Variants in GALNTL6 observed in about 807,000 individuals in gnomAD.
The protein encoded by GALNTL6 is polypeptide N-acetylgalactosaminyltransferase like 6.
In GALNTL6, 46 loss-of-function variants were observed where a neutral mutation model predicts 73.7. That is an observed-to-expected ratio of 0.62 (90% CI 0.49 to 0.80). The LOEUF is 0.80. Ranked by LOEUF, GALNTL6 falls within the 30% of genes least tolerant of loss-of-function variation. The probability of loss-of-function intolerance (pLI) is 0.00; values close to 1 mark genes in which losing one functional copy is unlikely to be tolerated. For synonymous variants in GALNTL6, 259 were observed against 263.7 expected, an observed-to-expected ratio of 0.98 and a Z score of 0.17; for missense variants, 604 against 755.0, an observed-to-expected ratio of 0.80 and a Z score of 2.34.
At chr4:172,369,915 C>T (rs1742729178) in intron 5 of GALNTL6, among the ~76,000 whole-genome samples, 1 of 152,204 alleles carries the variant, frequency 6.6e-6, no homozygotes, top group Admixed American at 6.5e-5. Flanking sequence ...GAGAGGGGCT[C>T]CCACAGTGCA....
chr4:172,347,935 A>G (rs1438484729), intron 4 of GALNTL6, among the ~76,000 whole-genome samples: 3 of 152,194 alleles, frequency 2.0e-5, no homozygotes, highest in African/African-American at 2.4e-5. Context: ...CACTGGGACT[A>G]TGATAACATC....
intron 5 of GALNTL6, among the ~76,000 whole-genome samples, chr4:172,434,948 TA>T (rs1449263773): frequency 6.6e-6 from 1 of 152,156 alleles, no homozygotes; most frequent in Non-Finnish European, 1.5e-5. Context: ...AAGTATTCAT[TA>T]TAGCAGAGCT....
chr4:172,127,866 G>A (rs1217375790), intron 2 of GALNTL6, among the ~76,000 whole-genome samples: 1 of 152,112 alleles, frequency 6.6e-6, no homozygotes, highest in African/African-American at 2.4e-5. Context: ...ACTTCGGGAG[G>A]CCAAGGTGAG....
At chr4:172,671,637 T>G (rs1360457564) in intron 5 of GALNTL6, among the ~76,000 whole-genome samples, 1 of 152,194 alleles carries the variant, frequency 6.6e-6, no homozygotes, top group Non-Finnish European at 1.5e-5. Context: ...CTCTTCCTAT[T>G]TGAATGCACT....
chr4:172,540,837 T>C lies in GALNTL6; in HGVS notation c.553+192148T>C, dbSNP rs12648679. On this transcript the variant is annotated intron_variant, in intron 5 of 12. Coordinates refer to ENST00000506823, the MANE Select transcript of GALNTL6 (RefSeq NM_001034845.3). ...GGATTATGGGAGCCAAGGCCCTTGT[T>C]ATATAGATGAAGCCTCATAGGAAGC... is the stretch of plus-strand genomic sequence containing the variant. 6.9e-4 allele frequency among the ~76,000 whole-genome samples: 105 copies of C among 152,334 alleles called. 1 individual carries two copies. In the East Asian group the frequency reaches 0.019, roughly 27 times the overall value.
In GALNTL6 at chr4:172,621,958, G is replaced by A. The variant is rs996680753; in HGVS notation, c.554-187403G>A. Among the ~76,000 whole-genome samples, 25 of 152,158 alleles carry A rather than the reference G, an allele frequency of 1.6e-4. No homozygotes were observed. In the East Asian group the frequency reaches 4.1e-3, roughly 25 times the overall value. On this transcript the variant is annotated intron_variant, in intron 5 of 12. Coordinates refer to ENST00000506823, the MANE Select transcript of GALNTL6 (RefSeq NM_001034845.3). ...CCAATCTAACGGCATTCATGGGACC[G>A]AGGTTTCTGTGTTATCCAGGGTCCC...
chr4:172,608,219 GA>G (rs1738381737), intron 5 of GALNTL6, among the ~76,000 whole-genome samples: 4 of 152,058 alleles, frequency 2.6e-5, no homozygotes, highest in Non-Finnish European at 4.4e-5. Flanking sequence ...CTTATGTCCA[GA>G]ATGGTATTTT....
At chr4:172,676,574 C>T (rs1487768312) in intron 5 of GALNTL6, among the ~76,000 whole-genome samples, 2 of 152,116 alleles carry the variant, frequency 1.3e-5, no homozygotes, top group East Asian at 3.8e-4. Context: ...CTATTGGTTC[C>T]GCTTTCTTAT....
At chr4:172,075,532 C>T (rs1345567847) in intron 2 of GALNTL6, among the ~76,000 whole-genome samples, 1 of 151,942 alleles carries the variant, frequency 6.6e-6, no homozygotes, top group Admixed American at 6.6e-5. Context: ...AGACGGGGTT[C>T]CACCGTCTTA....
intron 5 of GALNTL6, among the ~76,000 whole-genome samples, chr4:172,358,054 T>G (rs919118135): frequency 6.6e-6 from 1 of 152,202 alleles, no homozygotes; most frequent in Non-Finnish European, 1.5e-5. Flanking sequence ...TCCTTTTATT[T>G]GTCCATTTAT....
intron 5 of GALNTL6, among the ~76,000 whole-genome samples, chr4:172,459,771 A>T (rs1732542817): frequency 6.6e-6 from 1 of 152,222 alleles, no homozygotes; most frequent in Non-Finnish European, 1.5e-5. Context: ...CAACGTTGTC[A>T]AAATGGCCAT....
At chr4:172,638,194 C>A (rs1490932719) in intron 5 of GALNTL6, among the ~76,000 whole-genome samples, 4 of 152,062 alleles carry the variant, frequency 2.6e-5, no homozygotes, top group African/African-American at 9.7e-5. Context: ...CTTGACATGA[C>A]TTTGTAAGAT....
intron 2 of GALNTL6, among the ~76,000 whole-genome samples, chr4:171,972,017 C>T (rs1279162369): frequency 1.3e-5 from 2 of 152,052 alleles, no homozygotes; most frequent in African/African-American, 4.8e-5. Flanking sequence ...TAAGAAACTG[C>T]CCAGGCTTGA....
At chr4:171,874,984 A>AAAAAC (rs1292829014) in intron 2 of GALNTL6, among the ~76,000 whole-genome samples, 2 of 152,202 alleles carry the variant, frequency 1.3e-5, no homozygotes, top group Non-Finnish European at 2.9e-5. Context: ...TATTATAGGC[A>AAAAAC]AAAACAAAAC....
At chr4:172,861,499 T>C (rs531241063) in intron 7 of GALNTL6, among the ~76,000 whole-genome samples, 5 of 152,256 alleles carry the variant, frequency 3.3e-5, no homozygotes, top group Admixed American at 6.5e-5. Context: ...TCAGATTATA[T>C]AGGAAGATAA....
chr4:171,939,289 G>A (rs148006795), intron 2 of GALNTL6, among the ~76,000 whole-genome samples: 108 of 151,914 alleles, frequency 7.1e-4, no homozygotes, highest in African/African-American at 2.5e-3. Flanking sequence ...TCAATATACT[G>A]ATTTTTTTTG....
intron 8 of GALNTL6, among the ~76,000 whole-genome samples, chr4:172,918,463 C>T (rs939967351): frequency 6.6e-5 from 10 of 152,060 alleles, no homozygotes; most frequent in African/African-American, 2.2e-4. Flanking sequence ...GCCTGTAACA[C>T]ATAAGGCCAA....
intron 2 of GALNTL6, among the ~76,000 whole-genome samples, chr4:171,924,183 T>TACACACACACACAC (rs371649848): frequency 1.1e-4 from 15 of 142,456 alleles, no homozygotes; most frequent in African/African-American, 3.9e-4. Context: ...ACCACACACA[T>TACACACACACACAC]ACACACACAC....
At chr4:172,913,921 A>T (rs1187509330) in intron 8 of GALNTL6, among the ~76,000 whole-genome samples, 2 of 152,146 alleles carry the variant, frequency 1.3e-5, no homozygotes, top group African/African-American at 2.4e-5. Flanking sequence ...AAGAAGAGCA[A>T]CCCCAAGACA....
Sources: gnomAD v4.1 joint callset for allele counts (sites outside exome capture counted in the v4.1 genomes callset) on GRCh38, gnomAD v4.1.1 for gene constraint, MANE v1.5 for transcripts, NCBI Gene and HGNC (gene_info 2026-07-23, HGNC 2026-07-21) for gene names.